Variants in GPC5 observed in about 807,000 individuals in gnomAD.
GPC5 encodes the protein glypican-5.
GPC5 carries 47 observed loss-of-function variants against 53.9 expected under a neutral mutation model. That is an observed-to-expected ratio of 0.87 (90% confidence interval 0.69 to 1.11). The LOEUF (loss-of-function observed/expected upper bound fraction) is 1.11. GPC5 is among the 50% of genes most tolerant of loss of function. The pLI is 0.00. For missense variants in GPC5, 748 were observed against 713.1 expected (o/e 1.05, Z -0.56); for synonymous variants, 286 against 263.3 (o/e 1.09, Z -0.84).
chr13:91,839,019 A>T (rs547415512), intron 5 of GPC5, among the ~76,000 whole-genome samples: 1 of 152,292 alleles, frequency 6.6e-6, no homozygotes, highest in East Asian at 1.9e-4. Flanking sequence ...ATTACTCTGT[A>T]TACTGCACAC....
At chr13:91,837,261 G>T (rs2038731791) in intron 5 of GPC5, among the ~76,000 whole-genome samples, 1 of 151,732 alleles carries the variant, frequency 6.6e-6, no homozygotes, top group South Asian at 2.1e-4. Context: ...TGTTTTCAAA[G>T]GACCAAAAAC....
intron 5 of GPC5, among the ~76,000 whole-genome samples, chr13:91,800,062 CTTAA>C (rs1337796160): frequency 1.1e-4 from 17 of 151,906 alleles, no homozygotes; most frequent in African/African-American, 4.1e-4. Flanking sequence ...ATATTCTAAA[CTTAA>C]TTTATTAAAT....
At chr13:92,192,199 A>G (rs1468438831) in intron 7 of GPC5, among the ~76,000 whole-genome samples, 3 of 152,210 alleles carry the variant, frequency 2.0e-5, no homozygotes, top group Non-Finnish European at 4.4e-5. Flanking sequence ...CAGAGAACGT[A>G]CAATACCAAG....
At position 92,654,262 on chromosome 13, in the gene GPC5, G is replaced by C. The variant is rs568506560; in HGVS notation, c.1562-212020G>C. On this transcript the variant is annotated intron_variant, in intron 7 of 7. Transcript: ENST00000377067. The stretch of plus-strand genomic sequence containing the variant: ...TCTAATAATCATGATGTAAAGATTG[G>C]TTTTTTAAAAAAACTGTTATCTTCC... Among the ~76,000 whole-genome samples the C allele has an allele frequency of 1.2e-4, 19 of 152,098 alleles. No individual in the cohort carries two copies. In the South Asian group the frequency reaches 3.7e-3, roughly 30 times the overall value.
At chr13:91,752,606 T>G (rs1420539084) in intron 4 of GPC5, among the ~76,000 whole-genome samples, 2 of 152,240 alleles carry the variant, frequency 1.3e-5, no homozygotes, top group Admixed American at 1.3e-4. Context: ...TTCATAGTGC[T>G]TTAACTTTGA....
chr13:92,128,488 T>C (rs2041717755), intron 6 of GPC5, among the ~76,000 whole-genome samples: 1 of 152,238 alleles, frequency 6.6e-6, no homozygotes, highest in African/African-American at 2.4e-5. Flanking sequence ...GTCCTGGGTT[T>C]CTAAAGACCT....
intron 2 of GPC5, among the ~76,000 whole-genome samples, chr13:91,567,674 G>C (rs1227086717): frequency 6.6e-6 from 1 of 152,188 alleles, no homozygotes; most frequent in Non-Finnish European, 1.5e-5. Context: ...GGAGGATACA[G>C]ACTTTAGTTG....
At chr13:92,382,669 A>G (rs2043758617) in intron 7 of GPC5, among the ~76,000 whole-genome samples, 2 of 152,206 alleles carry the variant, frequency 1.3e-5, no homozygotes, top group South Asian at 2.1e-4. Flanking sequence ...ACCCACAGTT[A>G]GCTCTCATCA....
At chr13:92,240,264 AG>A (rs1454920944) in intron 7 of GPC5, 3 of 151,982 alleles carry the variant, frequency 2.0e-5, no homozygotes, top group Non-Finnish European at 4.4e-5. Flanking sequence ...TGGGAAACAA[AG>A]GAACTTCAGC....
At chr13:91,434,714 T>G (rs972403214) in intron 1 of GPC5, among the ~76,000 whole-genome samples, 8 of 152,220 alleles carry the variant, frequency 5.3e-5, no homozygotes, top group Non-Finnish European at 1.2e-4. Flanking sequence ...TTTTTTCCAA[T>G]TCTGTGAAGA....
chr13:91,411,091 G>A (rs1264576766), intron 1 of GPC5, among the ~76,000 whole-genome samples: 1 of 152,206 alleles, frequency 6.6e-6, no homozygotes, highest in Non-Finnish European at 1.5e-5. Flanking sequence ...CCTGGCGTCA[G>A]AGCGAGACTC....
chr13:91,615,263 G>C (rs1349988513), intron 2 of GPC5, among the ~76,000 whole-genome samples: 1 of 152,064 alleles, frequency 6.6e-6, no homozygotes, highest in Non-Finnish European at 1.5e-5. Context: ...CATATCCCTA[G>C]GTAACTGGCC....
chr13:91,626,876 G>A (rs2034017604), intron 2 of GPC5, among the ~76,000 whole-genome samples: 2 of 151,808 alleles, frequency 1.3e-5, no homozygotes, highest in Admixed American at 1.3e-4. Flanking sequence ...GTGTCCAGGT[G>A]TTCTCATTGT....
chr13:92,011,774 A>C (rs1395376408), intron 6 of GPC5, among the ~76,000 whole-genome samples: 1 of 152,210 alleles, frequency 6.6e-6, no homozygotes, highest in Non-Finnish European at 1.5e-5. Flanking sequence ...TAAAGTAATA[A>C]AATGCTTATC....
intron 1 of GPC5, among the ~76,000 whole-genome samples, chr13:91,419,792 C>T (rs1878480651): frequency 6.6e-6 from 1 of 152,108 alleles, no homozygotes; most frequent in Admixed American, 6.5e-5. Flanking sequence ...TTTAAACATG[C>T]GAATTGATCC....
At chr13:92,094,047 T>A (rs746597164) in intron 6 of GPC5, among the ~76,000 whole-genome samples, 14 of 152,210 alleles carry the variant, frequency 9.2e-5, no homozygotes, top group Non-Finnish European at 1.9e-4. Context: ...TCATTTGAGT[T>A]TTAATTAATA....
At chr13:92,864,368 T>C (rs1879277305) in intron 7 of GPC5, among the ~76,000 whole-genome samples, 1 of 152,156 alleles carries the variant, frequency 6.6e-6, no homozygotes, top group African/African-American at 2.4e-5. Flanking sequence ...AGATTTAACA[T>C]CTTTCTACTT....
At chr13:91,470,309 T>C (rs1882533217) in intron 2 of GPC5, among the ~76,000 whole-genome samples, 1 of 152,180 alleles carries the variant, frequency 6.6e-6, no homozygotes, top group South Asian at 2.1e-4. Context: ...AATTTCTCCA[T>C]CTCTGTCAAA....
At chr13:92,360,622 G>T (rs1384163804) in intron 7 of GPC5, among the ~76,000 whole-genome samples, 1 of 151,510 alleles carries the variant, frequency 6.6e-6, no homozygotes, top group Non-Finnish European at 1.5e-5. Context: ...TGGAAGTCTT[G>T]ATCAGAGCAA....
Sources: allele counts gnomAD v4.1 joint callset (sites outside exome capture counted in the v4.1 genomes callset), GRCh38; gene constraint gnomAD v4.1.1; transcripts MANE v1.5; gene names NCBI Gene and HGNC (gene_info 2026-07-23, HGNC 2026-07-21).